The following BRINP2 variants were observed in gnomAD, a reference collection of about 807,000 sequenced individuals.
The protein encoded by BRINP2 is BMP/retinoic acid-inducible neural-specific protein 2.
Under a neutral mutation model 69.2 loss-of-function variants are expected in BRINP2, and 21 were observed. The observed-to-expected ratio is 0.30, with a 90% confidence interval of 0.22 to 0.44. The LOEUF (loss-of-function observed/expected upper bound fraction) is 0.44, where lower values mean the gene tolerates loss of function less well. Among genes scored for constraint, BRINP2 ranks in the 20% least tolerant of loss-of-function variants. The probability of loss-of-function intolerance (pLI) is 1.00; values close to 1 mark genes in which losing one functional copy is unlikely to be tolerated. For synonymous variants in BRINP2, 380 were observed against 394.1 expected, an observed-to-expected ratio of 0.96 and a Z score of 0.42; for missense variants, 877 against 986.0, an observed-to-expected ratio of 0.89 and a Z score of 1.48.
chr1:177,272,393 A>G (rs1651354825), intron 4 of BRINP2, among the ~76,000 whole-genome samples: 1 of 152,240 alleles, frequency 6.6e-6, no homozygotes, highest in Admixed American at 6.5e-5. Flanking sequence ...CCTGGAATGT[A>G]TTATACATGC....
chr1:177,278,527 T>C (rs771528874), intron 6 of BRINP2, 36 bp from the exon 7 acceptor site: 8 of 1,602,848 alleles, frequency 5.0e-6, no homozygotes, highest in Non-Finnish European at 6.8e-6. Context: ...TCTGCATAGC[T>C]ACCCGTCAGC....
intron 1 of BRINP2, among the ~76,000 whole-genome samples, chr1:177,172,235 T>C (rs1362531005): frequency 6.6e-6 from 1 of 152,044 alleles, no homozygotes. Flanking sequence ...GTCAGGAAAA[T>C]AAAATTCCAA....
chr1:177,238,590 C>A (rs949576322), intron 2 of BRINP2, among the ~76,000 whole-genome samples: 8 of 152,112 alleles, frequency 5.3e-5, no homozygotes, highest in Non-Finnish European at 1.0e-4. Context: ...AGACAAGAGC[C>A]TTTTGTGAGC....
intron 1 of BRINP2, among the ~76,000 whole-genome samples, chr1:177,192,865 A>T (rs1648631494): frequency 6.6e-6 from 1 of 152,230 alleles, no homozygotes; most frequent in Non-Finnish European, 1.5e-5. Flanking sequence ...TAAAGTAGAG[A>T]AGCCAATATC....
chr1:177,248,725 T>A (rs182245881), intron 2 of BRINP2, among the ~76,000 whole-genome samples: 2 of 152,290 alleles, frequency 1.3e-5, no homozygotes, highest in Admixed American at 6.5e-5. Context: ...GCAGGGGGAT[T>A]CTTGCTGGGA....
chr1:177,181,086 A>T (rs748225488), intron 1 of BRINP2, among the ~76,000 whole-genome samples: 32 of 152,338 alleles, frequency 2.1e-4, no homozygotes, highest in Non-Finnish European at 4.0e-4. Context: ...ATGAAAAAAT[A>T]AAATGGGTAC....
intron 1 of BRINP2, among the ~76,000 whole-genome samples, chr1:177,196,669 G>C (rs1274898339): frequency 2.0e-5 from 3 of 151,826 alleles, no homozygotes; most frequent in Non-Finnish European, 1.5e-5. Context: ...TCCCACCTCA[G>C]ACCTATTGAC....
At chr1:177,271,479 T>C (rs775300524) in intron 4 of BRINP2, among the ~76,000 whole-genome samples, 4 of 152,206 alleles carry the variant, frequency 2.6e-5, no homozygotes, top group Admixed American at 6.5e-5. Context: ...GGTATTGAAC[T>C]GGAGTCTGAG....
chr1:177,244,960 G>C (rs1232694419), intron 2 of BRINP2, among the ~76,000 whole-genome samples: 1 of 152,066 alleles, frequency 6.6e-6, no homozygotes, highest in Non-Finnish European at 1.5e-5. Flanking sequence ...CTGAGGGAAG[G>C]AAATAAGCTC....
chr1:177,178,955 T>C (rs1278857991), intron 1 of BRINP2, among the ~76,000 whole-genome samples: 1 of 152,206 alleles, frequency 6.6e-6, no homozygotes, highest in Non-Finnish European at 1.5e-5. Context: ...GCAGACACTG[T>C]ACTGAAGTTT....
chr1:177,239,781 T>C (rs1235985941), intron 2 of BRINP2, among the ~76,000 whole-genome samples: 2 of 152,174 alleles, frequency 1.3e-5, no homozygotes, highest in Admixed American at 1.3e-4. Flanking sequence ...CCCCTGAGTA[T>C]ATTTTAAGAT....
chr1:177,282,422 A>G lies in BRINP2; in HGVS notation c.*894A>G, dbSNP rs1273263344. The G allele has an allele frequency of 3.3e-5, 5 of 151,986 alleles. No homozygotes were observed. The highest frequency in any genetic ancestry group is 7.4e-5 in the Non-Finnish European group (5 of 68,020). 9.4% of individuals were successfully genotyped at this position (151,986 alleles called of 1,614,324 possible). A position where few individuals can be genotyped will look rare whatever the true frequency, so the allele number is the denominator to read the frequency against. ...AGTAAACATTTATCTGGTTTAATAT[A>G]TTTTTGGAAAAGGCCTTTTTTAGGG... On this transcript the variant is annotated 3_prime_UTR_variant, in exon 8 of 8. Coordinates refer to ENST00000361539, the MANE Select transcript of BRINP2 (RefSeq NM_021165.4).
chr1:177,250,617 G>A (rs1033436401), intron 2 of BRINP2, among the ~76,000 whole-genome samples: 9 of 152,302 alleles, frequency 5.9e-5, no homozygotes, highest in Middle Eastern at 6.8e-3. Context: ...GAACCACGGC[G>A]CCCGGCTGCC....
chr1:177,174,607 C>A (rs530551504), intron 1 of BRINP2, among the ~76,000 whole-genome samples: 1 of 152,226 alleles, frequency 6.6e-6, no homozygotes, highest in East Asian at 1.9e-4. Context: ...ATGAGGGATG[C>A]GGTGGGATTT....
chr1:177,280,592 C>A lies in BRINP2; in HGVS notation c.1416C>A (p.Asp472Glu). ...CCGCGTGTGCCCACTGTGCTCCAGACAATAGCACACGCTGTGGGAGCTGCA... is the reference window on the plus strand; with the variant it reads ...CCGCGTGTGCCCACTGTGCTCCAGAAAATAGCACACGCTGTGGGAGCTGCA... ...EGPACAHCAP[D>E]NSTRCGSCNP... is the part of the protein sequence containing the mutation. The change falls in exon 8 of 8, where the codon GAC becomes GAA. Residue 472 changes from aspartate (D) to glutamate (E), a missense_variant. Physicochemically the swap from Asp to Glu is conservative, Grantham distance 45. This residue lies in a region of BRINP2 where 566 missense variants were observed against 625.2 expected (regional missense o/e 0.91). Coordinates refer to ENST00000361539, the MANE Select transcript of BRINP2 (RefSeq NM_021165.4). 6.2e-7 allele frequency: 1 copy of A among 1,614,126 alleles called. No homozygotes were observed. The highest frequency in any genetic ancestry group is 8.5e-7 in the Non-Finnish European group (1 of 1,180,002).
intron 1 of BRINP2, among the ~76,000 whole-genome samples, chr1:177,191,588 A>G (rs567801130): frequency 2.6e-5 from 4 of 152,010 alleles, no homozygotes; most frequent in Non-Finnish European, 5.9e-5. Context: ...CTGAGTAGCT[A>G]GGATTACAGG....
At chr1:177,259,186 T>C (rs1207949464) in intron 4 of BRINP2, among the ~76,000 whole-genome samples, 2 of 152,176 alleles carry the variant, frequency 1.3e-5, no homozygotes, top group East Asian at 3.9e-4. Flanking sequence ...GCCTTCTTGC[T>C]GATATGAAGG....
At chr1:177,186,499 G>A (rs1648429587) in intron 1 of BRINP2, among the ~76,000 whole-genome samples, 1 of 152,074 alleles carries the variant, frequency 6.6e-6, no homozygotes, top group Non-Finnish European at 1.5e-5. Flanking sequence ...TGCCACAGGA[G>A]CAGTGTTTGG....
chr1:177,193,197 T>C (rs1170671817), intron 1 of BRINP2, among the ~76,000 whole-genome samples: 2 of 152,190 alleles, frequency 1.3e-5, no homozygotes, highest in Non-Finnish European at 2.9e-5. Context: ...TTACAAACTA[T>C]TTATTTCACC....
Sources: allele counts gnomAD v4.1 joint callset (sites outside exome capture counted in the v4.1 genomes callset), GRCh38; gene constraint gnomAD v4.1.1; regional missense constraint gnomAD v4.1.1; transcripts MANE v1.5; gene names NCBI Gene and HGNC (gene_info 2026-07-23, HGNC 2026-07-21).